TMED10: variants seen among roughly 807,000 people sequenced by gnomAD.
TMED10 encodes transmembrane emp24 domain-containing protein 10.
A neutral mutation model predicts 23.1 loss-of-function variants in TMED10; 7 were observed. The ratio of observed to expected loss-of-function variants is 0.30; its 90% CI spans 0.17 to 0.57. The LOEUF is 0.57. TMED10 is among the 20% of genes least tolerant of loss of function. The pLI, the probability that TMED10 is intolerant of heterozygous loss-of-function variation, is 0.91. For missense variants in TMED10, 162 were observed against 274.8 expected (o/e 0.59, Z 2.90); for synonymous variants, 113 against 106.9 (o/e 1.06, Z -0.35).
rs1278392200 is a variant in TMED10 at position 75,131,959 on chromosome 14, A to G, written c.*2926T>C. The G allele has an allele frequency of 6.5e-6, 1 of 152,728 alleles. No individual in the cohort carries two copies. Among genetic ancestry groups the G allele is most frequent in the East Asian group, 1.9e-4 (1 of 5,186 alleles). The allele number at this position is 152,728 out of a possible 1,614,324, so 9.5% of individuals were successfully genotyped here. On this transcript the variant is annotated 3_prime_UTR_variant, in exon 5 of 5. Transcript: ENST00000303575. ...TATTCTCTTCTCCTATCTTCTTGAC[A>G]TTTTGTCACATCACAAGAACATAAC...
At chr14:75,158,698 G>T (rs1896050975) in intron 1 of TMED10, among the ~76,000 whole-genome samples, 1 of 151,654 alleles carries the variant, frequency 6.6e-6, no homozygotes, top group African/African-American at 2.4e-5. Flanking sequence ...GCCGAGGCGG[G>T]CAGATCACCT....
chr14:75,148,025 A>T, intron 2 of TMED10: 1 of 489,400 alleles, frequency 2.0e-6, no homozygotes, highest in South Asian at 2.3e-5. Flanking sequence ...GGTACTACAG[A>T]GGAACAGAAC....
At chr14:75,176,322 T>A (rs762561556) in intron 1 of TMED10, 33 bp downstream of exon 1, 16 of 1,611,038 alleles carry the variant, frequency 9.9e-6, no homozygotes, top group Middle Eastern at 1.7e-4. Flanking sequence ...CCTGCCGTCT[T>A]CCCTCCCGGC....
At position 75,176,467 on chromosome 14, in the gene TMED10, A is replaced by T; in HGVS notation, c.113T>A (p.Ile38Asn). 6.2e-7 allele frequency: 1 copy of T among 1,614,204 alleles called. No homozygotes were observed. Among genetic ancestry groups the T allele is most frequent in the Non-Finnish European group, 8.5e-7 (1 of 1,180,038 alleles). Residue 38 changes from isoleucine to asparagine, a missense_variant, in exon 1 of 5, where the codon ATT becomes AAT. Physicochemically the swap from Ile to Asn is moderately radical, Grantham distance 149 (BLOSUM62 -3). Around this residue, in one of 2 missense-constraint regions of TMED10, gnomAD observed 126 missense variants for 239.5 expected, o/e 0.53. Transcript: ENST00000303575. ...LVLAISFHLP[I>N]NSRKCLREEI... Reference sequence around the variant, plus strand: ...CTCACGGAGGCACTTGCGAGAGTTAATGGGCAGATGGAAGGAGATGGCAAG... The same window carrying T: ...CTCACGGAGGCACTTGCGAGAGTTATTGGGCAGATGGAAGGAGATGGCAAG...
intron 1 of TMED10, among the ~76,000 whole-genome samples, chr14:75,158,251 A>C (rs1216419352): frequency 5.3e-5 from 8 of 152,220 alleles, no homozygotes; most frequent in Non-Finnish European, 1.0e-4. Context: ...TTAGCCTTGA[A>C]GATTCTTAAA....
At chr14:75,143,933 CAAAAA>C (rs5809695) in intron 3 of TMED10, among the ~76,000 whole-genome samples, 1 of 126,220 alleles carries the variant, frequency 7.9e-6, no homozygotes. Flanking sequence ...TACTCTGTCT[CAAAAA>C]AAAAAAAAAA....
intron 1 of TMED10, among the ~76,000 whole-genome samples, chr14:75,170,044 G>A (rs539276853): frequency 1.3e-5 from 2 of 151,256 alleles, no homozygotes; most frequent in African/African-American, 2.4e-5. Context: ...TGGCTAACAC[G>A]GTGAAATACA....
At chr14:75,158,387 G>A (rs1201102842) in intron 1 of TMED10, among the ~76,000 whole-genome samples, 2 of 152,054 alleles carry the variant, frequency 1.3e-5, no homozygotes, top group African/African-American at 2.4e-5. Flanking sequence ...GAGTGCAGCT[G>A]CACAATCACA....
chr14:75,156,758 G>A (rs181774129), intron 1 of TMED10, among the ~76,000 whole-genome samples: 1 of 151,728 alleles, frequency 6.6e-6, no homozygotes. Flanking sequence ...ATCCTACCCC[G>A]TCTCTACTAA....
At chr14:75,151,311 C>G (rs983874356) in intron 2 of TMED10, among the ~76,000 whole-genome samples, 3 of 152,068 alleles carry the variant, frequency 2.0e-5, no homozygotes, top group African/African-American at 7.2e-5. Context: ...CCTCCACCTC[C>G]TGGGTTTAAG....
chr14:75,138,611 A>G (rs1023511312), intron 3 of TMED10, among the ~76,000 whole-genome samples: 3 of 152,172 alleles, frequency 2.0e-5, no homozygotes, highest in Non-Finnish European at 1.5e-5. Flanking sequence ...CCTGCTCTAT[A>G]CTTCCCCACT....
chr14:75,159,414 C>T (rs1005398434), intron 1 of TMED10, among the ~76,000 whole-genome samples: 11 of 152,200 alleles, frequency 7.2e-5, no homozygotes, highest in African/African-American at 2.4e-4. Flanking sequence ...AAAGAGTCAT[C>T]ACAGATTTCA....
intron 3 of TMED10, among the ~76,000 whole-genome samples, chr14:75,144,262 C>T (rs1895856483): frequency 6.6e-6 from 1 of 152,120 alleles, no homozygotes; most frequent in Non-Finnish European, 1.5e-5. Flanking sequence ...AGATGACAAA[C>T]TAAAAAGAAG....
At chr14:75,174,747 A>T (rs1020473689) in intron 1 of TMED10, among the ~76,000 whole-genome samples, 1 of 152,164 alleles carries the variant, frequency 6.6e-6, no homozygotes, top group Non-Finnish European at 1.5e-5. Flanking sequence ...AACCCTTTTA[A>T]AAAGTAAAAA....
intron 1 of TMED10, among the ~76,000 whole-genome samples, chr14:75,174,298 G>A (rs1480841730): frequency 1.3e-5 from 2 of 152,178 alleles, no homozygotes; most frequent in African/African-American, 4.8e-5. Context: ...AGAATGCAAA[G>A]TGGGAAGTGA....
At chr14:75,167,232 G>A (rs925467322) in intron 1 of TMED10, among the ~76,000 whole-genome samples, 1 of 152,016 alleles carries the variant, frequency 6.6e-6, no homozygotes, top group Non-Finnish European at 1.5e-5. Flanking sequence ...GAGCCACCAC[G>A]CCCAGCCGAA....
At chr14:75,139,100 G>A (rs1204063596) in intron 3 of TMED10, 1 of 447,622 alleles carries the variant, frequency 2.2e-6, no homozygotes, top group African/African-American at 2.0e-5. Flanking sequence ...TTCCCACATT[G>A]CTTTCCAGAG....
intron 3 of TMED10, among the ~76,000 whole-genome samples, chr14:75,143,312 AATT>A (rs1278172208): frequency 6.6e-6 from 1 of 152,224 alleles, no homozygotes; most frequent in Non-Finnish European, 1.5e-5. Flanking sequence ...ATACCAGTAA[AATT>A]AAACTCTTCT....
At chr14:75,138,490 C>T (rs1895780416) in intron 3 of TMED10, among the ~76,000 whole-genome samples, 1 of 152,006 alleles carries the variant, frequency 6.6e-6, no homozygotes, top group East Asian at 1.9e-4. Context: ...TGTCATTAAC[C>T]CAGAATATAT....
Sources: allele counts gnomAD v4.1 joint callset (sites outside exome capture counted in the v4.1 genomes callset), GRCh38; gene constraint gnomAD v4.1.1; regional missense constraint gnomAD v4.1.1; transcripts MANE v1.5; gene names NCBI Gene and HGNC (gene_info 2026-07-23, HGNC 2026-07-21).